Variants in CCR6 observed in about 807,000 individuals in gnomAD.
CCR6 encodes C-C chemokine receptor type 6.
Under a neutral mutation model 3.0 loss-of-function variants are expected in CCR6, and 2 were observed. The ratio of observed to expected loss-of-function variants is 0.66; its 90% CI spans 0.27 to 2.07. The LOEUF (loss-of-function observed/expected upper bound fraction) is 2.07, where lower values mean the gene tolerates loss of function less well. CCR6 is among the 30% of genes most tolerant of loss of function. The pLI is 0.14. For synonymous variants in CCR6, 193 were observed against 184.3 expected (o/e 1.05, Z -0.38); for missense variants, 322 against 462.8 (o/e 0.70, Z 2.79).
At position 167,136,432 on chromosome 6, in the gene CCR6, G is replaced by A; in HGVS notation, c.202G>A (p.Val68Met). 1 of 1,612,196 alleles carries A rather than the reference G, an allele frequency of 6.2e-7. No individual in the cohort carries two copies. Among genetic ancestry groups the A allele is most frequent in the Non-Finnish European group, 8.5e-7 (1 of 1,179,310 alleles). Residue 68 changes from valine to methionine, a missense_variant, in exon 3 of 3, where the codon GTG becomes ATG. By Grantham distance (21) the Val-to-Met change is conservative. Coordinates refer to ENST00000341935, the MANE Select transcript of CCR6 (RefSeq NM_031409.4). This position sits in a 1 kb window ranked among gnomAD's most constrained non-coding sequence, Gnocchi z 4.6. ...TGGCCTCCTGGGGAATATTCTGGTG[G>A]TGATCACCTTTGCTTTTTATAAGAA... ...VFGLLGNILVVITFAFYKKAR... is the reference protein window; with the variant it reads ...VFGLLGNILVMITFAFYKKAR...
At position 167,137,154 on chromosome 6, in the gene CCR6, C is replaced by G; in HGVS notation, c.924C>G (p.His308Gln). ...TCACAGAAGTCCTGGCTTTCCTGCACTGCTGCCTGAACCCTGTGCTCTACG... is the reference window on the plus strand; with the variant it reads ...TCACAGAAGTCCTGGCTTTCCTGCAGTGCTGCCTGAACCCTGTGCTCTACG... ...KTVTEVLAFL[H>Q]CCLNPVLYAF... Residue 308 changes from histidine (H) to glutamine (Q), a missense_variant, in exon 3 of 3, where the codon CAC becomes CAG. By Grantham distance (24) the His-to-Gln change is conservative. Transcript: ENST00000341935. This position sits in a 1 kb window ranked among gnomAD's most constrained non-coding sequence, Gnocchi z 4.6. 6.2e-7 allele frequency: 1 copy of G among 1,614,186 alleles called. No homozygotes were observed. The highest frequency in any genetic ancestry group is 8.5e-7 in the Non-Finnish European group (1 of 1,180,022).
chr6:167,133,938 A>G (rs988375150), intron 1 of CCR6, among the ~76,000 whole-genome samples: 725 of 32,262 alleles, frequency 0.022, 29 homozygotes, highest in African/African-American at 0.04. Context: ...GTGTGTATAT[A>G]TATATATATA....
At chr6:167,134,395 A>C (rs1331522308) in intron 1 of CCR6, among the ~76,000 whole-genome samples, 1 of 152,288 alleles carries the variant, frequency 6.6e-6, no homozygotes, top group East Asian at 1.9e-4. Context: ...AAAAGTGCAG[A>C]GGTGACTCCA....
chr6:167,113,845 G>C (rs1468100417), intron 1 of CCR6, among the ~76,000 whole-genome samples: 1 of 152,220 alleles, frequency 6.6e-6, no homozygotes, highest in Non-Finnish European at 1.5e-5. Flanking sequence ...GGGCATCTAG[G>C]CAAGACATGC....
chr6:167,117,418 T>C (rs1476430090), intron 1 of CCR6, among the ~76,000 whole-genome samples: 33 of 119,494 alleles, frequency 2.8e-4, no homozygotes, highest in South Asian at 2.3e-3. Flanking sequence ...TTTTTTTCTT[T>C]TTTTTTTTTT....
At chr6:167,128,704 T>G (rs1171835705) in intron 1 of CCR6, among the ~76,000 whole-genome samples, 1 of 152,212 alleles carries the variant, frequency 6.6e-6, no homozygotes, top group East Asian at 1.9e-4. Context: ...CTTGAGTAGC[T>G]GGGATTACAG....
intron 1 of CCR6, among the ~76,000 whole-genome samples, chr6:167,134,662 G>A (rs1375269478): frequency 1.3e-5 from 2 of 152,242 alleles, no homozygotes; most frequent in African/African-American, 2.4e-5. Flanking sequence ...GGGCGAGGAG[G>A]GCAGTTCCAC....
At chr6:167,124,450 T>G (rs1781638455) in intron 1 of CCR6, among the ~76,000 whole-genome samples, 1 of 152,224 alleles carries the variant, frequency 6.6e-6, no homozygotes, top group African/African-American at 2.4e-5. Flanking sequence ...GGCCCATGAT[T>G]CAAATAAACT....
In CCR6 at chr6:167,137,939, T is replaced by G. The variant is rs1226072568; in HGVS notation, c.*584T>G. 1 of 153,618 alleles carries G rather than the reference T, an allele frequency of 6.5e-6. No homozygotes were observed. Among genetic ancestry groups the G allele is most frequent in the East Asian group, 1.9e-4 (1 of 5,344 alleles). The allele number at this position is 153,618 out of a possible 1,614,324, so 9.5% of individuals were successfully genotyped here. Reference sequence around the variant, plus strand: ...ATGGAGGTGGAAAGACAAGCTCAAGTGTTCACAACCTGGAAGTGCTTCGGG... The same window carrying G: ...ATGGAGGTGGAAAGACAAGCTCAAGGGTTCACAACCTGGAAGTGCTTCGGG... On this transcript the variant is annotated 3_prime_UTR_variant, in exon 3 of 3. Transcript: ENST00000341935. The surrounding 1 kb of genome is among the most constrained non-coding windows in gnomAD (Gnocchi z 4.6).
In CCR6 at chr6:167,137,338, T is replaced by C. The variant is rs1781865252; in HGVS notation, c.1108T>C (p.Ser370Pro). Residue 370 changes from serine (S) to proline (P), a missense_variant, in exon 3 of 3, where the codon TCG becomes CCG. Ser to Pro is a moderately conservative substitution (Grantham distance 74). Coordinates refer to ENST00000341935, the MANE Select transcript of CCR6 (RefSeq NM_031409.4). The surrounding 1 kb of genome is among the most constrained non-coding windows in gnomAD (Gnocchi z 4.6). Reference sequence around the variant, plus strand: ...TGAGACCGCAGATAACGACAATGCGTCGTCCTTCACTATGTGATAGAAAGC... The same window carrying C: ...TGAGACCGCAGATAACGACAATGCGCCGTCCTTCACTATGTGATAGAAAGC... The part of the protein sequence containing the change: ...TSETADNDNA[S>P]SFTM 2 of 1,612,532 alleles carry C rather than the reference T, an allele frequency of 1.2e-6. No homozygotes were observed. Among genetic ancestry groups the C allele is most frequent in the African/African-American group, 1.3e-5 (1 of 74,812 alleles).
chr6:167,118,688 A>T (rs896123405), upstream of CCR6, among the ~76,000 whole-genome samples: 23 of 152,188 alleles, frequency 1.5e-4, no homozygotes, highest in African/African-American at 5.5e-4. Context: ...GGATCAGATG[A>T]CATGGTTTTG....
intron 1 of CCR6, among the ~76,000 whole-genome samples, chr6:167,117,470 G>T (rs369695168): frequency 7.5e-6 from 1 of 133,204 alleles, no homozygotes; most frequent in East Asian, 2.3e-4. Context: ...AGGCTGGAGC[G>T]CAGTGGCACG....
chr6:167,136,096 T>C lies in CCR6; in HGVS notation c.-39T>C. ...GAGCTGAAGGGGCTGAACCATACAC[T>C]CCTTTTTCTACAACCAGCTTGCATT... On this transcript the variant is annotated 5_prime_UTR_variant, in exon 2 of 3. Transcript: ENST00000341935. The surrounding 1 kb of genome is among the most constrained non-coding windows in gnomAD (Gnocchi z 4.6). 6.2e-7 allele frequency: 1 copy of C among 1,612,022 alleles called. No individual in the cohort carries two copies. The highest frequency in any genetic ancestry group is 8.5e-7 in the Non-Finnish European group (1 of 1,179,236).
rs998971859 is a variant in CCR6 at position 167,136,168 on chromosome 6, G to T, written c.9+25G>T. ...GGTAAGATTTTTATTTTTGGCAAGGGGTATAATTTGGGTTCACTGTGGCTA... is the reference window on the plus strand; with the variant it reads ...GGTAAGATTTTTATTTTTGGCAAGGTGTATAATTTGGGTTCACTGTGGCTA... On this transcript the variant is annotated intron_variant, in intron 2 of 2. Transcript: ENST00000341935. The surrounding 1 kb of genome is among the most constrained non-coding windows in gnomAD (Gnocchi z 4.6). 1 of 1,613,196 alleles carries T rather than the reference G, an allele frequency of 6.2e-7. No homozygotes were observed. The highest frequency in any genetic ancestry group is 1.3e-5 in the African/African-American group (1 of 74,946).
At chr6:167,122,377 C>T (rs1562556878), upstream of CCR6, among the ~76,000 whole-genome samples, 1 of 152,204 alleles carries the variant, frequency 6.6e-6, no homozygotes, top group Non-Finnish European at 1.5e-5. The surrounding 1 kb of genome is among the most constrained non-coding windows in gnomAD (Gnocchi z 4.2). Context: ...AGTGACTTGT[C>T]GTCAGCTGCT....
At chr6:167,134,229 C>T (rs1044346247) in intron 1 of CCR6, among the ~76,000 whole-genome samples, 5 of 152,002 alleles carry the variant, frequency 3.3e-5, no homozygotes, top group African/African-American at 9.7e-5. Context: ...GTTGATCCAC[C>T]GTGGCTGGAA....
chr6:167,114,384 G>A (rs1302699460), intron 1 of CCR6, among the ~76,000 whole-genome samples: 1 of 152,208 alleles, frequency 6.6e-6, no homozygotes, highest in Non-Finnish European at 1.5e-5. Flanking sequence ...TAGACCTCGA[G>A]AGGAGTTCAG....
rs1185376436 is a variant in CCR6 at position 167,136,440 on chromosome 6, C to G, written c.210C>G (p.Thr70=). 6.2e-7 allele frequency: 1 copy of G among 1,610,358 alleles called. No homozygotes were observed. ...GLLGNILVVI[T]FAFYKKARSM... is the part of the protein sequence containing the mutation. The stretch of plus-strand genomic sequence containing the variant: ...TGGGGAATATTCTGGTGGTGATCAC[C>G]TTTGCTTTTTATAAGAAGGCCAGGT... Residue 70 remains threonine (T), a synonymous_variant, in exon 3 of 3, where the codon ACC becomes ACG. Transcript: ENST00000341935. The surrounding 1 kb of genome is among the most constrained non-coding windows in gnomAD (Gnocchi z 4.6).
intron 1 of CCR6, chr6:167,116,173 G>A (rs1781490190): frequency 6.6e-6 from 1 of 152,292 alleles, no homozygotes; most frequent in Non-Finnish European, 1.5e-5. Context: ...TGCAAGAAGA[G>A]ATCACGAGAG....
Sources: gnomAD v4.1 joint callset for allele counts (sites outside exome capture counted in the v4.1 genomes callset) on GRCh38, gnomAD v4.1.1 for gene constraint, Gnocchi (gnomAD v3.1) non-coding constraint, MANE v1.5 for transcripts, NCBI Gene and HGNC (gene_info 2026-07-23, HGNC 2026-07-21) for gene names.